The following THSD7B variants were observed in gnomAD, a reference collection of about 807,000 sequenced individuals.
The protein encoded by THSD7B is thrombospondin type 1 domain containing 7B.
A neutral mutation model predicts 213.6 loss-of-function variants in THSD7B; 138 were observed. That is an observed-to-expected ratio of 0.65 (90% confidence interval 0.56 to 0.74). THSD7B has a LOEUF of 0.74. Among genes scored for constraint, THSD7B ranks in the 30% least tolerant of loss-of-function variants. The pLI, the probability that THSD7B is intolerant of heterozygous loss-of-function variation, is 0.00. For synonymous variants in THSD7B, 742 were observed against 687.0 expected, an observed-to-expected ratio of 1.08 and a Z score of -1.25; for missense variants, 1,931 against 1,991.5, an observed-to-expected ratio of 0.97 and a Z score of 0.58.
intron 10 of THSD7B, among the ~76,000 whole-genome samples, chr2:137,269,694 G>A (rs1368997070): frequency 6.6e-6 from 1 of 152,054 alleles, no homozygotes; most frequent in Non-Finnish European, 1.5e-5. Flanking sequence ...TTTCCTAAAG[G>A]CATAATTATT....
chr2:137,136,394 G>A lies in THSD7B; in HGVS notation c.1369+21101G>A, dbSNP rs76544647. The stretch of plus-strand genomic sequence containing the variant: ...ATATCCTTCTGTATAAAATGAAGGT[G>A]TTCCAGAGAACAACAGAATGGTTTG... On this transcript the variant is annotated intron_variant, in intron 5 of 27. Coordinates refer to ENST00000409968, the MANE Select transcript of THSD7B (RefSeq NM_001316349.2). Among the ~76,000 whole-genome samples, 67 of 152,292 alleles carry A rather than the reference G, an allele frequency of 4.4e-4. 1 individual carries two copies. In the East Asian group the frequency reaches 0.012, roughly 27 times the overall value.
At chr2:137,545,218 G>C (rs951164869) in intron 15 of THSD7B, among the ~76,000 whole-genome samples, 3 of 151,738 alleles carry the variant, frequency 2.0e-5, no homozygotes, top group Admixed American at 2.0e-4. Flanking sequence ...AAAATAAAAA[G>C]TTACTTATTA....
chr2:136,876,371 A>G (rs1263943430), intron 1 of THSD7B, among the ~76,000 whole-genome samples: 3 of 152,204 alleles, frequency 2.0e-5, no homozygotes, highest in Admixed American at 6.5e-5. Flanking sequence ...GTTTATTTCA[A>G]CTGCCTCAAT....
chr2:137,669,435 C>A (rs1327231126), intron 27 of THSD7B, among the ~76,000 whole-genome samples: 12 of 145,206 alleles, frequency 8.3e-5, no homozygotes. Flanking sequence ...ATCCTAGAAT[C>A]AATTTTTTTT....
intron 2 of THSD7B, among the ~76,000 whole-genome samples, chr2:136,922,725 A>T (rs1212817840): frequency 6.6e-6 from 1 of 152,234 alleles, no homozygotes; most frequent in Non-Finnish European, 1.5e-5. Context: ...CATAAAATAA[A>T]ATAAAAACCT....
At chr2:137,384,557 C>G (rs1240779508) in intron 12 of THSD7B, among the ~76,000 whole-genome samples, 3 of 152,056 alleles carry the variant, frequency 2.0e-5, no homozygotes, top group South Asian at 4.2e-4. Context: ...ACCATGACTT[C>G]CCCTGACTCA....
At chr2:137,517,412 C>T (rs764958902) in intron 15 of THSD7B, among the ~76,000 whole-genome samples, 1 of 152,164 alleles carries the variant, frequency 6.6e-6, no homozygotes, top group South Asian at 2.1e-4. Flanking sequence ...AATTCAGGGG[C>T]CTTCTACCTC....
chr2:136,843,575 G>A (rs1221679702), intron 1 of THSD7B, among the ~76,000 whole-genome samples: 1 of 152,186 alleles, frequency 6.6e-6, no homozygotes, highest in Non-Finnish European at 1.5e-5. Flanking sequence ...AAATAAGACA[G>A]AGATATTGCC....
chr2:136,991,736 C>T (rs1267831334), intron 2 of THSD7B, among the ~76,000 whole-genome samples: 1 of 152,208 alleles, frequency 6.6e-6, no homozygotes. Flanking sequence ...ATTCTGTCCT[C>T]ATAGCCAATT....
At chr2:137,358,682 G>T (rs1218403803) in intron 12 of THSD7B, among the ~76,000 whole-genome samples, 1 of 152,194 alleles carries the variant, frequency 6.6e-6, no homozygotes, top group Non-Finnish European at 1.5e-5. Flanking sequence ...GCCAGTTGCA[G>T]ATTGATGAGG....
intron 14 of THSD7B, among the ~76,000 whole-genome samples, chr2:137,450,133 A>C (rs1573632686): frequency 6.6e-6 from 1 of 152,160 alleles, no homozygotes; most frequent in Non-Finnish European, 1.5e-5. Context: ...TAGTGGAGAG[A>C]TCTACATTAG....
chr2:137,630,341 G>C (rs1041595931), intron 20 of THSD7B, among the ~76,000 whole-genome samples: 1 of 152,054 alleles, frequency 6.6e-6, no homozygotes, highest in Non-Finnish European at 1.5e-5. Context: ...AAGAGGAATA[G>C]GATACATGGC....
At chr2:137,058,760 T>C (rs1161030157) in intron 3 of THSD7B, among the ~76,000 whole-genome samples, 1 of 152,130 alleles carries the variant, frequency 6.6e-6, no homozygotes, top group Non-Finnish European at 1.5e-5. Context: ...GCAGTTCTCA[T>C]AGATGGGATT....
chr2:136,896,779 T>C (rs1355881954), intron 2 of THSD7B, among the ~76,000 whole-genome samples: 5 of 152,254 alleles, frequency 3.3e-5, no homozygotes, highest in Non-Finnish European at 7.4e-5. Flanking sequence ...TGTGCTAGCA[T>C]AATTTGTTGT....
chr2:137,139,122 G>C (rs897178686), intron 5 of THSD7B, among the ~76,000 whole-genome samples: 2 of 151,910 alleles, frequency 1.3e-5, no homozygotes, highest in African/African-American at 4.8e-5. Context: ...TCATTGTAAA[G>C]GAATGGAAAT....
intron 1 of THSD7B, among the ~76,000 whole-genome samples, chr2:136,831,713 T>C (rs999106237): frequency 6.6e-6 from 1 of 152,094 alleles, no homozygotes; most frequent in Non-Finnish European, 1.5e-5. Context: ...AGTGTTAGAG[T>C]TGAATGGTTT....
chr2:136,855,623 T>A (rs1322722446), intron 1 of THSD7B, among the ~76,000 whole-genome samples: 2 of 144,184 alleles, frequency 1.4e-5, no homozygotes, highest in Admixed American at 1.4e-4. Context: ...ATTTATTTAT[T>A]TATTTATTTA....
intron 2 of THSD7B, among the ~76,000 whole-genome samples, chr2:136,998,261 C>CAAAAAAAAAAAAAAAA (rs33931359): frequency 1.8e-4 from 18 of 98,384 alleles, no homozygotes; most frequent in Middle Eastern, 6.3e-3. Context: ...ACTAAAAGGC[C>CAAAAAAAAAAAAAAAA]AAAAAAAAAA....
intron 16 of THSD7B, among the ~76,000 whole-genome samples, chr2:137,570,242 G>A (rs866735116): frequency 4.0e-5 from 6 of 151,470 alleles, no homozygotes; most frequent in Middle Eastern, 6.8e-3. Flanking sequence ...TTATTTTTCA[G>A]TATGTGATTA....
Sources: allele counts gnomAD v4.1 joint callset (sites outside exome capture counted in the v4.1 genomes callset), GRCh38; gene constraint gnomAD v4.1.1; transcripts MANE v1.5; gene names NCBI Gene and HGNC (gene_info 2026-07-23, HGNC 2026-07-21).